Variants in TPTE observed in about 807,000 individuals in gnomAD.
TPTE encodes putative tyrosine-protein phosphatase TPTE.
TPTE carries 59 observed loss-of-function variants against 84.1 expected under a neutral mutation model. The observed-to-expected ratio is 0.70, with a 90% CI of 0.57 to 0.87. The LOEUF is 0.87. Among genes scored for constraint, TPTE ranks in the 40% least tolerant of loss-of-function variants. The probability of loss-of-function intolerance (pLI) is 0.00; values close to 1 mark genes in which losing one functional copy is unlikely to be tolerated. For missense variants in TPTE, 382 were observed against 659.6 expected (o/e 0.58, Z 4.61); for synonymous variants, 130 against 223.5 (o/e 0.58, Z 3.73).
intron 17 of TPTE, among the ~76,000 whole-genome samples, chr21:10,585,710 C>G (rs553600186): frequency 2.0e-5 from 3 of 152,420 alleles, no homozygotes; most frequent in Admixed American, 6.5e-5. Flanking sequence ...CACCAGTGAA[C>G]GCACATTGGC....
chr21:10,549,233 C>A (rs1159023507), intron 7 of TPTE, among the ~76,000 whole-genome samples: 2 of 152,296 alleles, frequency 1.3e-5, no homozygotes, highest in South Asian at 2.1e-4. Flanking sequence ...TAAATTCATA[C>A]AATTTTACTC....
At chr21:10,590,634 T>A in intron 18 of TPTE, 111 bp downstream of exon 18, 1 of 1,545,772 alleles carries the variant, frequency 6.5e-7, no homozygotes, top group South Asian at 1.2e-5. Context: ...CTTAGTAAAA[T>A]TGTAATTAGA....
chr21:10,565,796 A>T, intron 10 of TPTE, among the ~76,000 whole-genome samples: 1 of 152,306 alleles, frequency 6.6e-6, no homozygotes. Flanking sequence ...GGAAAACTGG[A>T]TATACACATA....
At chr21:10,564,281 G>A (rs1324397843) in intron 10 of TPTE, among the ~76,000 whole-genome samples, 23 of 152,296 alleles carry the variant, frequency 1.5e-4, no homozygotes, top group South Asian at 6.2e-4. Context: ...AGGCAGAGGC[G>A]GGTGGTTTAC....
intron 3 of TPTE, among the ~76,000 whole-genome samples, chr21:10,534,713 C>G (rs2074238214): frequency 6.6e-6 from 1 of 152,300 alleles, no homozygotes; most frequent in Non-Finnish European, 1.5e-5. Context: ...CAAATGTTAA[C>G]TATAGAGTTT....
Position 10,527,429 on chromosome 21 carries a change from A to T in TPTE, c.-44+17A>T, listed in dbSNP as rs746924006. The T allele has an allele frequency of 6.5e-6, 1 of 152,738 alleles. No homozygotes were observed. The highest frequency in any genetic ancestry group is 2.4e-5 in the African/African-American group (1 of 41,478). The allele number at this position is 152,738 out of a possible 1,614,324, so 9.5% of individuals were successfully genotyped here. ...CCACAATGGGTGAGTTGACTGATCT[A>T]AGTGGTGAAAAATACTGGGAGCATC... On this transcript the variant is annotated intron_variant, in intron 3 of 23. Coordinates refer to ENST00000618007, the MANE Select transcript of TPTE (RefSeq NM_199261.4).
chr21:10,600,948 C>T lies in TPTE; in HGVS notation c.1357-1110C>T, dbSNP rs1978409499. Among the ~76,000 whole-genome samples the T allele has an allele frequency of 2.0e-5, 3 of 152,428 alleles. No homozygotes were observed. In the South Asian group the frequency reaches 6.2e-4, roughly 32 times the overall value. ...TGAGCAGGGGGACCCCACTCTCCCC[C>T]TCCCTTGGGAGGAGCATGCTGGCCC... On this transcript the variant is annotated intron_variant, in intron 21 of 23. Coordinates refer to ENST00000618007, the MANE Select transcript of TPTE (RefSeq NM_199261.4).
intron 14 of TPTE, among the ~76,000 whole-genome samples, chr21:10,574,264 C>G (rs2075106281): frequency 6.6e-6 from 1 of 152,428 alleles, no homozygotes. Context: ...CTATCGAGGG[C>G]TGGTATCAGT....
chr21:10,523,867 C>T (rs201649773), intron 1 of TPTE, among the ~76,000 whole-genome samples: 11 of 152,366 alleles, frequency 7.2e-5, no homozygotes, highest in Middle Eastern at 3.4e-3. Flanking sequence ...CCTGAGGAAT[C>T]GCCACACTGA....
At chr21:10,547,126 A>G (rs1462290609) in intron 7 of TPTE, among the ~76,000 whole-genome samples, 3 of 152,310 alleles carry the variant, frequency 2.0e-5, no homozygotes, top group Non-Finnish European at 2.9e-5. Context: ...GTTGAAGCCA[A>G]CAATCATTGA....
At chr21:10,578,650 A>G in intron 17 of TPTE, 45 bp downstream of exon 17, 1 of 1,611,762 alleles carries the variant, frequency 6.2e-7, no homozygotes, top group Non-Finnish European at 8.5e-7. Context: ...AAAGACATGT[A>G]AATATACATA....
In TPTE at chr21:10,596,513, T is replaced by C. The variant is rs1240491289; in HGVS notation, c.1276+426T>C. Reference sequence around the variant, plus strand: ...CTCCGTATCGTATCATTTTCTCACCTTCTTTTAGAGGCATTTTTTTTCTCA... The same window carrying C: ...CTCCGTATCGTATCATTTTCTCACCCTCTTTTAGAGGCATTTTTTTTCTCA... On this transcript the variant is annotated intron_variant, in intron 20 of 23. Transcript: ENST00000618007. Among the ~76,000 whole-genome samples the C allele has an allele frequency of 5.3e-5, 8 of 152,270 alleles. No homozygotes were observed. The East Asian group carries it at 1.3e-3, about 26-fold the overall frequency.
chr21:10,601,844 CTG>C (rs1978560749), intron 21 of TPTE, among the ~76,000 whole-genome samples: 1 of 152,190 alleles, frequency 6.6e-6, no homozygotes, highest in Non-Finnish European at 1.5e-5. Flanking sequence ...CAGTGAGACT[CTG>C]TCTCAGAAAA....
intron 8 of TPTE, among the ~76,000 whole-genome samples, chr21:10,556,499 A>G (rs1193534699): frequency 6.6e-6 from 1 of 152,308 alleles, no homozygotes; most frequent in Non-Finnish European, 1.5e-5. Context: ...GCCGCAATAA[A>G]CATACGTGTG....
chr21:10,526,534 T>C (rs1276577571), intron 2 of TPTE, among the ~76,000 whole-genome samples: 1 of 152,308 alleles, frequency 6.6e-6, no homozygotes, highest in Non-Finnish European at 1.5e-5. Context: ...ATCCCAGTTG[T>C]TATCAGCAGC....
intron 3 of TPTE, among the ~76,000 whole-genome samples, chr21:10,533,723 A>T (rs559269383): frequency 5.6e-4 from 85 of 152,398 alleles, no homozygotes; most frequent in Middle Eastern, 3.4e-3. Flanking sequence ...AAGAGAAGTG[A>T]TGTGCCCCAG....
At chr21:10,574,296 C>T (rs2075107003) in intron 14 of TPTE, among the ~76,000 whole-genome samples, 2 of 152,428 alleles carry the variant, frequency 1.3e-5, no homozygotes, top group Non-Finnish European at 2.9e-5. Context: ...GGAAGGAGTA[C>T]CTCTCTGCAG....
At chr21:10,559,593 G>C (rs564800167) in intron 9 of TPTE, 49 bp downstream of exon 9, 3 of 1,611,606 alleles carry the variant, frequency 1.9e-6, no homozygotes, top group African/African-American at 1.3e-5. Flanking sequence ...CTGAGACTTG[G>C]CTGGGCACGG....
At chr21:10,551,983 G>T (rs1234343694) in intron 7 of TPTE, among the ~76,000 whole-genome samples, 2 of 152,312 alleles carry the variant, frequency 1.3e-5, no homozygotes, top group Admixed American at 6.5e-5. Context: ...GAAAGGAAGA[G>T]CCATTTGCTA....
Sources: allele counts gnomAD v4.1 joint callset (sites outside exome capture counted in the v4.1 genomes callset), GRCh38; gene constraint gnomAD v4.1.1; transcripts MANE v1.5; gene names NCBI Gene and HGNC (gene_info 2026-07-23, HGNC 2026-07-21).